MRAP2: variants seen among roughly 807,000 people sequenced by gnomAD.
The protein encoded by MRAP2 is melanocortin 2 receptor accessory protein 2.
A neutral mutation model predicts 17.4 loss-of-function variants in MRAP2; 20 were observed. That is an observed-to-expected ratio of 1.15 (90% CI 0.81 to 1.67). The LOEUF (loss-of-function observed/expected upper bound fraction) is 1.67. Among genes scored for constraint, MRAP2 ranks in the 40% most tolerant of loss-of-function variants. The probability of loss-of-function intolerance (pLI) is 0.00; values close to 1 mark genes in which losing one functional copy is unlikely to be tolerated. For missense variants in MRAP2, 238 were observed against 240.0 expected, an observed-to-expected ratio of 0.99 and a Z score of 0.05; for synonymous variants, 96 against 88.4, an observed-to-expected ratio of 1.09 and a Z score of -0.48.
At chr6:84,114,110 T>A in the MRAP2 span, among the ~76,000 whole-genome samples, 350 of 152,306 alleles carry the variant, frequency 2.3e-3, no homozygotes, top group African/African-American at 8.0e-3. Context: ...ATTTCCTGAA[T>A]TTGAATGTTG....
chr6:84,042,799 G>A (rs536392929), intron 1 of MRAP2, among the ~76,000 whole-genome samples: 57 of 152,322 alleles, frequency 3.7e-4, no homozygotes, highest in Middle Eastern at 3.4e-3. Flanking sequence ...TAGTTTAAGA[G>A]CCCAGGCCTC....
chr6:84,039,394 G>A (rs533461753), intron 1 of MRAP2, among the ~76,000 whole-genome samples: 27 of 152,256 alleles, frequency 1.8e-4, no homozygotes, highest in African/African-American at 5.8e-4. Context: ...CTTCATGTCA[G>A]GGTACAAAGT....
chr6:84,048,708 G>A (rs536335236), intron 1 of MRAP2, among the ~76,000 whole-genome samples: 2 of 152,130 alleles, frequency 1.3e-5, no homozygotes, highest in African/African-American at 4.8e-5. Context: ...CTGTTTTGTC[G>A]TATTATTATA....
the MRAP2 span, among the ~76,000 whole-genome samples, chr6:84,130,849 A>G: frequency 5.9e-5 from 9 of 152,026 alleles, no homozygotes; most frequent in African/African-American, 1.9e-4. Context: ...TTGTGTCTCT[A>G]TCTCCTTTAG....
intron 2 of MRAP2, among the ~76,000 whole-genome samples, chr6:84,059,467 G>C (rs1478447941): frequency 6.6e-6 from 1 of 152,168 alleles, no homozygotes; most frequent in African/African-American, 2.4e-5. Context: ...ATTAACCCTT[G>C]TTTTTCATAT....
chr6:84,070,245 C>T (rs923992660), intron 3 of MRAP2, among the ~76,000 whole-genome samples: 2 of 152,074 alleles, frequency 1.3e-5, no homozygotes, highest in African/African-American at 4.8e-5. Flanking sequence ...ATGAACTTTC[C>T]TCTTAGCACT....
chr6:84,050,714 A>T (rs1177965946), intron 1 of MRAP2, among the ~76,000 whole-genome samples: 2 of 152,336 alleles, frequency 1.3e-5, no homozygotes, highest in East Asian at 3.9e-4. Context: ...GAAGGATAAG[A>T]ACAGGTAACT....
intron 1 of MRAP2, among the ~76,000 whole-genome samples, chr6:84,040,010 T>C (rs1473466165): frequency 1.3e-5 from 2 of 152,210 alleles, no homozygotes; most frequent in Admixed American, 6.5e-5. Context: ...CTACACCATA[T>C]TCCTACCAGT....
the MRAP2 span, among the ~76,000 whole-genome samples, chr6:84,103,661 T>A: frequency 1.3e-5 from 2 of 152,348 alleles, no homozygotes; most frequent in Admixed American, 1.3e-4. Context: ...CACAAATCCT[T>A]TTCAGAAAAC....
intron 2 of MRAP2, among the ~76,000 whole-genome samples, chr6:84,056,398 GCTTT>G (rs1243023371): frequency 6.6e-6 from 1 of 152,138 alleles, no homozygotes; most frequent in Non-Finnish European, 1.5e-5. Context: ...TGCAAGAAGG[GCTTT>G]CTATTTTTGT....
In MRAP2 at chr6:84,088,354, A is replaced by G. The variant is rs1013254681; in HGVS notation, c.228-737A>G. Among the ~76,000 whole-genome samples, 11 of 152,176 alleles carry G rather than the reference A, an allele frequency of 7.2e-5. No individual in the cohort carries two copies. The South Asian group carries it at 8.3e-4, about 11-fold the overall frequency. ...TCATTGAGAGTTATTTTATTCACTCATTGACTCATTTATTACCCTTGAACT... is the reference window on the plus strand; with the variant it reads ...TCATTGAGAGTTATTTTATTCACTCGTTGACTCATTTATTACCCTTGAACT... On this transcript the variant is annotated intron_variant, in intron 3 of 3. Coordinates refer to ENST00000257776, the MANE Select transcript of MRAP2 (RefSeq NM_138409.4).
the MRAP2 span, among the ~76,000 whole-genome samples, chr6:84,138,125 T>C: frequency 0.25 from 38,207 of 152,202 alleles, 10,731 homozygotes; most frequent in African/African-American, 0.7. Flanking sequence ...AAAAGTTCAC[T>C]AATGGTTTAA....
At chr6:84,046,736 A>T (rs1052362329) in intron 1 of MRAP2, among the ~76,000 whole-genome samples, 33 of 140,808 alleles carry the variant, frequency 2.3e-4, no homozygotes, top group African/African-American at 8.4e-4. Flanking sequence ...AGCTGAGATC[A>T]CGCCACTGCA....
chr6:84,089,214 C>G lies in MRAP2; in HGVS notation c.351C>G (p.His117Gln). ...ACGAGGAGTCCAGGTCTCTCTTTCA[C>G]TGCTACATCAATGAGGTGGAACGCT... Reference protein sequence around the residue: ...QGNEESRSLFHCYINEVERLD... With the variant: ...QGNEESRSLFQCYINEVERLD... The change falls in exon 4 of 4, where the codon CAC (histidine) becomes CAG (glutamine). Residue 117 changes from histidine (H) to glutamine (Q), a missense_variant. His to Gln is a conservative substitution (Grantham distance 24). Coordinates refer to ENST00000257776, the MANE Select transcript of MRAP2 (RefSeq NM_138409.4). 6.2e-7 allele frequency: 1 copy of G among 1,614,210 alleles called. No individual in the cohort carries two copies. Among genetic ancestry groups the G allele is most frequent in the Non-Finnish European group, 8.5e-7 (1 of 1,180,032 alleles).
chr6:84,138,654 A>G, the MRAP2 span, among the ~76,000 whole-genome samples: 1 of 152,194 alleles, frequency 6.6e-6, no homozygotes, highest in Admixed American at 6.5e-5. Context: ...TGCGTCTTCT[A>G]TTTTCAAGTA....
chr6:84,080,601 C>T (rs2099498730), intron 3 of MRAP2, among the ~76,000 whole-genome samples: 1 of 152,170 alleles, frequency 6.6e-6, no homozygotes, highest in Admixed American at 6.5e-5. Context: ...GAGTGGCTCT[C>T]AGGCTAAGTC....
rs375917081 is a variant in MRAP2 at position 84,064,670 on chromosome 6, G to A, written c.227+1678G>A. 2.4e-4 allele frequency among the ~76,000 whole-genome samples: 37 copies of A among 152,210 alleles called. 1 individual carries two copies. The South Asian group carries it at 7.3e-3, about 30-fold the overall frequency. On this transcript the variant is annotated intron_variant, in intron 3 of 3. Coordinates refer to ENST00000257776, the MANE Select transcript of MRAP2 (RefSeq NM_138409.4). ...GCCCAGCTACTTTTTTGTATTTTTA[G>A]TAGAGACAGGGTTTCACCATGTTAG...
the MRAP2 span, among the ~76,000 whole-genome samples, chr6:84,098,471 CT>C: frequency 6.6e-6 from 1 of 152,030 alleles, no homozygotes. Context: ...TGTGCTTCTA[CT>C]TGTTTAAGTT....
intron 1 of MRAP2, among the ~76,000 whole-genome samples, chr6:84,041,012 C>G (rs2099487408): frequency 6.6e-6 from 1 of 152,164 alleles, no homozygotes; most frequent in East Asian, 1.9e-4. Context: ...CTCCTCCCAC[C>G]CATGGCCTGG....
Sources: allele counts gnomAD v4.1 joint callset (sites outside exome capture counted in the v4.1 genomes callset), GRCh38; gene constraint gnomAD v4.1.1; transcripts MANE v1.5; gene names NCBI Gene and HGNC (gene_info 2026-07-23, HGNC 2026-07-21).